The following CPVL variants were observed in gnomAD, a reference collection of about 807,000 sequenced individuals.
CPVL encodes the protein carboxypeptidase vitellogenic like.
A neutral mutation model predicts 63.7 loss-of-function variants in CPVL; 51 were observed. That is an observed-to-expected ratio of 0.80 (90% CI 0.64 to 1.01). The LOEUF is 1.01. CPVL is among the 50% of genes least tolerant of loss of function. The pLI is 0.00. For missense variants in CPVL, 530 were observed against 573.1 expected, an observed-to-expected ratio of 0.92 and a Z score of 0.77; for synonymous variants, 195 against 206.0, an observed-to-expected ratio of 0.95 and a Z score of 0.46.
intron 12 of CPVL, chr7:29,001,019 T>C (rs1784576187): frequency 7.8e-6 from 1 of 128,504 alleles, no homozygotes; most frequent in Non-Finnish European, 1.7e-5. Context: ...GGAGTCATAC[T>C]GGTACAAGGA....
upstream of CPVL, chr7:29,148,355 A>G (rs976692484): frequency 1.3e-5 from 2 of 152,264 alleles, no homozygotes; most frequent in African/African-American, 2.4e-5. Context: ...ATTCAAAAAC[A>G]GGGTGTCCCA....
chr7:29,119,598 T>A lies in CPVL; in HGVS notation c.169+1295A>T, dbSNP rs562087346. 1.4e-4 allele frequency among the ~76,000 whole-genome samples: 21 copies of A among 151,434 alleles called. 1 individual carries two copies. Among genetic ancestry groups the A allele is most frequent in the Admixed American group, 6.6e-4 (10 of 15,234 alleles). On this transcript the variant is annotated intron_variant, in intron 2 of 12. Transcript: ENST00000265394. ...GTAATAACAATAGAAAAACCCACAA[T>A]CTCTAAATAAAGCCAATTGCAAACA...
chr7:29,111,746 A>C (rs554782375), intron 3 of CPVL, among the ~76,000 whole-genome samples: 51 of 152,358 alleles, frequency 3.3e-4, no homozygotes, highest in African/African-American at 1.2e-3. Flanking sequence ...CAATAGTACC[A>C]GGAGAAACAA....
At chr7:29,061,943 C>CAAAA (rs558152536) in intron 11 of CPVL, among the ~76,000 whole-genome samples, 31 of 104,156 alleles carry the variant, frequency 3.0e-4, no homozygotes, top group African/African-American at 6.8e-4. Context: ...AACTCTATCT[C>CAAAA]AAAAAAAAAA....
At chr7:29,159,352 A>C (rs1001024651) in intron 5 of CPVL, among the ~76,000 whole-genome samples, 1 of 152,232 alleles carries the variant, frequency 6.6e-6, no homozygotes, top group Non-Finnish European at 1.5e-5. Flanking sequence ...GCATCCTGGC[A>C]TCACAGAGCC....
chr7:29,030,094 G>A (rs1787879860), intron 12 of CPVL, among the ~76,000 whole-genome samples: 1 of 152,150 alleles, frequency 6.6e-6, no homozygotes. Flanking sequence ...TCCAACACTT[G>A]AAGAGGACAT....
At chr7:29,163,087 C>A (rs986691028) in intron 5 of CPVL, among the ~76,000 whole-genome samples, 5 of 152,018 alleles carry the variant, frequency 3.3e-5, no homozygotes, top group African/African-American at 1.2e-4. Context: ...TTCATGGGAT[C>A]TGTTTATACT....
chr7:29,091,372 G>A (rs977232973), intron 6 of CPVL, among the ~76,000 whole-genome samples: 1 of 151,748 alleles, frequency 6.6e-6, no homozygotes, highest in African/African-American at 2.4e-5. Flanking sequence ...GTTAACCACT[G>A]AGCTTGTTTG....
intron 3 of CPVL, among the ~76,000 whole-genome samples, chr7:29,098,458 G>A (rs890354137): frequency 6.6e-6 from 1 of 152,190 alleles, no homozygotes; most frequent in Non-Finnish European, 1.5e-5. Flanking sequence ...GCTCATTCTT[G>A]AGTGTTAACA....
At chr7:29,159,281 G>A (rs929089596) in intron 5 of CPVL, among the ~76,000 whole-genome samples, 3 of 152,112 alleles carry the variant, frequency 2.0e-5, no homozygotes, top group East Asian at 1.9e-4. Flanking sequence ...GAGGTCACGT[G>A]GTTTTCCACT....
chr7:29,151,543 GTGAAACTT>G (rs1318848014), intron 5 of CPVL, among the ~76,000 whole-genome samples: 2 of 152,168 alleles, frequency 1.3e-5, no homozygotes, highest in Non-Finnish European at 2.9e-5. Flanking sequence ...AATAATCATA[GTGAAACTT>G]TGTAAGGATT....
intron 12 of CPVL, among the ~76,000 whole-genome samples, chr7:29,014,148 T>C (rs1400048850): frequency 2.6e-5 from 4 of 152,174 alleles, no homozygotes; most frequent in Non-Finnish European, 5.9e-5. Context: ...TTGATTACTG[T>C]GTTCTGGTTT....
At chr7:29,124,921 G>A (rs530014311) in intron 1 of CPVL, 44 of 152,110 alleles carry the variant, frequency 2.9e-4, no homozygotes, top group African/African-American at 1.0e-3. Flanking sequence ...TACTACCTGG[G>A]TATGACCTCT....
chr7:29,044,292 C>G (rs894908218), intron 11 of CPVL, among the ~76,000 whole-genome samples: 1 of 151,974 alleles, frequency 6.6e-6, no homozygotes, highest in Admixed American at 6.6e-5. Flanking sequence ...TGGCAGGCAC[C>G]GGTAATCCTA....
chr7:29,061,363 A>G (rs1791261818), intron 11 of CPVL, among the ~76,000 whole-genome samples: 1 of 151,878 alleles, frequency 6.6e-6, no homozygotes, highest in African/African-American at 2.4e-5. Flanking sequence ...CAGTGAGCCG[A>G]GATCGTGCCA....
At chr7:29,178,217 C>T (rs941004960) in intron 5 of CPVL, among the ~76,000 whole-genome samples, 4 of 152,220 alleles carry the variant, frequency 2.6e-5, no homozygotes, top group African/African-American at 7.2e-5. Flanking sequence ...TATCCTTTTC[C>T]ATAGCTGCCA....
At chr7:29,017,682 T>C (rs1363209465) in intron 12 of CPVL, among the ~76,000 whole-genome samples, 1 of 152,168 alleles carries the variant, frequency 6.6e-6, no homozygotes, top group Admixed American at 6.5e-5. Flanking sequence ...TCTCTGTCTA[T>C]AGGAGGTGGT....
chr7:29,114,691 A>T (rs1170544210), intron 2 of CPVL, among the ~76,000 whole-genome samples: 1 of 152,012 alleles, frequency 6.6e-6, no homozygotes, highest in Non-Finnish European at 1.5e-5. Flanking sequence ...TAGACCACAC[A>T]GTTCCTTTGC....
chr7:29,139,308 G>A (rs748448782), intron 1 of CPVL, among the ~76,000 whole-genome samples: 3 of 152,072 alleles, frequency 2.0e-5, no homozygotes, highest in Non-Finnish European at 4.4e-5. Flanking sequence ...GAGATTAGAT[G>A]GACTATATAA....
Sources: allele counts gnomAD v4.1 joint callset (sites outside exome capture counted in the v4.1 genomes callset), GRCh38; gene constraint gnomAD v4.1.1; transcripts MANE v1.5; gene names NCBI Gene and HGNC (gene_info 2026-07-23, HGNC 2026-07-21).